PDZRN3: variants seen among roughly 807,000 people sequenced by gnomAD.
PDZRN3 encodes E3 ubiquitin-protein ligase PDZRN3.
In PDZRN3, 38 loss-of-function variants were observed where a neutral mutation model predicts 85.7. The ratio of observed to expected loss-of-function variants is 0.44; its 90% CI spans 0.34 to 0.58. PDZRN3 has a LOEUF of 0.58. PDZRN3 is among the 20% of genes least tolerant of loss of function. The pLI, the probability that PDZRN3 is intolerant of heterozygous loss-of-function variation, is 0.01. For missense variants in PDZRN3, 1,629 were observed against 1,506.4 expected (o/e 1.08, Z -1.35); for synonymous variants, 759 against 638.0 (o/e 1.19, Z -2.86).
At chr3:73,601,332 G>C (rs1481377766) in intron 3 of PDZRN3, among the ~76,000 whole-genome samples, 1 of 152,106 alleles carries the variant, frequency 6.6e-6, no homozygotes, top group Non-Finnish European at 1.5e-5. Flanking sequence ...TTTGAAATAG[G>C]CCATGAAAAT....
rs80301670 is a variant in PDZRN3, at chr3:73,386,732, C to T, written c.1519-947G>A. The stretch of plus-strand genomic sequence containing the variant: ...AGATGGTATGGCCACCCAAGTCAAA[C>T]ATTTACTATCTGGCCCTTTAAGAAA... On this transcript the variant is annotated intron_variant, in intron 8 of 9. Coordinates refer to ENST00000263666, the MANE Select transcript of PDZRN3 (RefSeq NM_015009.3). Among the ~76,000 whole-genome samples, 1,012 of 152,344 alleles carry T rather than the reference C, an allele frequency of 6.6e-3. 4 individuals carry two copies. Among genetic ancestry groups the T allele is most frequent in the African/African-American group, 0.022 (927 of 41,570 alleles).
chr3:73,454,474 G>A (rs1239065590), intron 3 of PDZRN3, among the ~76,000 whole-genome samples: 1 of 152,126 alleles, frequency 6.6e-6, no homozygotes, highest in Non-Finnish European at 1.5e-5. Context: ...GGGCTGATTT[G>A]AGTCGTCCAA....
chr3:73,477,962 G>A (rs985895899), intron 3 of PDZRN3, among the ~76,000 whole-genome samples: 2 of 152,086 alleles, frequency 1.3e-5, no homozygotes, highest in African/African-American at 4.8e-5. Flanking sequence ...CAACAACATG[G>A]GGAAAACCTG....
intron 3 of PDZRN3, among the ~76,000 whole-genome samples, chr3:73,578,272 C>A (rs943145209): frequency 6.6e-6 from 1 of 151,838 alleles, no homozygotes; most frequent in Admixed American, 6.6e-5. Context: ...CAGGTCCACG[C>A]GATTCTCCTG....
intron 3 of PDZRN3, among the ~76,000 whole-genome samples, chr3:73,561,913 ATTTT>A (rs769545083): frequency 7.3e-6 from 1 of 136,630 alleles, no homozygotes. Context: ...AACCCAAGTC[ATTTT>A]TTTTTTTTTT....
At chr3:73,606,040 C>T (rs980865617) in intron 2 of PDZRN3, among the ~76,000 whole-genome samples, 2 of 152,192 alleles carry the variant, frequency 1.3e-5, no homozygotes, top group African/African-American at 4.8e-5. Flanking sequence ...AACTGAACAC[C>T]ATCTTCACTG....
At chr3:73,565,664 G>A (rs1575740851) in intron 3 of PDZRN3, among the ~76,000 whole-genome samples, 2 of 151,978 alleles carry the variant, frequency 1.3e-5, no homozygotes, top group South Asian at 2.1e-4. Context: ...GGGGCCGGGC[G>A]CGGTGACTCA....
intron 3 of PDZRN3, among the ~76,000 whole-genome samples, chr3:73,517,112 G>A (rs1465965224): frequency 6.6e-6 from 1 of 152,182 alleles, no homozygotes; most frequent in East Asian, 1.9e-4. Context: ...GTGTGTGTGT[G>A]CGTTTACCCT....
intron 3 of PDZRN3, among the ~76,000 whole-genome samples, chr3:73,485,381 C>T (rs1703644336): frequency 6.6e-6 from 1 of 151,242 alleles, no homozygotes; most frequent in Non-Finnish European, 1.5e-5. Context: ...ATACTTTCCT[C>T]AAACTCTTTT....
At position 73,383,658 on chromosome 3, in the gene PDZRN3, C is replaced by G; in HGVS notation, c.2908G>C (p.Gly970Arg). Residue 970 changes from glycine (G) to arginine (R), a missense_variant, in exon 10 of 10, where the codon GGG (glycine) becomes CGG (arginine). Physicochemically the swap from Gly to Arg is moderately radical, Grantham distance 125 (BLOSUM62 -2). Coordinates refer to ENST00000263666, the MANE Select transcript of PDZRN3 (RefSeq NM_015009.3). Reference sequence around the variant, plus strand: ...CTCTCCTCCTTGCTCCAGTAGCGCCCCATCTTCATCTCGCTCACCGCGTCG... The same window carrying G: ...CTCTCCTCCTTGCTCCAGTAGCGCCGCATCTTCATCTCGCTCACCGCGTCG... ...DDDAVSEMKM[G>R]RYWSKEERKQ... 1 of 1,613,078 alleles carries G rather than the reference C, an allele frequency of 6.2e-7. No homozygotes were observed. The highest frequency in any genetic ancestry group is 8.5e-7 in the Non-Finnish European group (1 of 1,180,028).
In PDZRN3 at chr3:73,392,608, G is replaced by T. The variant is rs1322730440; in HGVS notation, c.1255-1492C>A. On this transcript the variant is annotated intron_variant, in intron 5 of 9. Coordinates refer to ENST00000263666, the MANE Select transcript of PDZRN3 (RefSeq NM_015009.3). ...TTGACTGCCCCATAGAAAGTCCACG[G>T]TCACCAGTAGTATAATAATTACATG... Among the ~76,000 whole-genome samples the T allele has an allele frequency of 2.6e-5, 4 of 152,162 alleles. No homozygotes were observed. In the East Asian group the frequency reaches 7.7e-4, roughly 29 times the overall value.
intron 3 of PDZRN3, among the ~76,000 whole-genome samples, chr3:73,440,671 C>CT (rs1164343416): frequency 3.9e-5 from 6 of 152,186 alleles, no homozygotes; most frequent in Admixed American, 3.9e-4. Flanking sequence ...CCTGAAATGC[C>CT]TATGACAACA....
chr3:73,545,897 G>C (rs1228907398), intron 3 of PDZRN3, among the ~76,000 whole-genome samples: 1 of 152,132 alleles, frequency 6.6e-6, no homozygotes, highest in Non-Finnish European at 1.5e-5. Context: ...TGGGAGGTGA[G>C]GGGGAGGATC....
At chr3:73,471,975 G>A (rs897300099) in intron 3 of PDZRN3, among the ~76,000 whole-genome samples, 2 of 151,810 alleles carry the variant, frequency 1.3e-5, no homozygotes, top group African/African-American at 4.9e-5. Flanking sequence ...TAAGTTAGTG[G>A]GCTACGGGGA....
chr3:73,384,656 C>G lies in PDZRN3; in HGVS notation c.1910G>C (p.Gly637Ala). The part of the protein sequence containing the change: ...SADCTDADYL[G>A]IPVDECERFR... ...GCGCTCGCACTCGTCCACCGGGATCCCCAGGTAGTCGGCGTCCGTGCAGTC... is the reference window on the plus strand; with the variant it reads ...GCGCTCGCACTCGTCCACCGGGATCGCCAGGTAGTCGGCGTCCGTGCAGTC... The change falls in exon 10 of 10, where the codon GGG becomes GCG. Residue 637 changes from glycine (G) to alanine (A), a missense_variant. Transcript: ENST00000263666. 2 of 1,613,958 alleles carry G rather than the reference C, an allele frequency of 1.2e-6. No individual in the cohort carries two copies. Among genetic ancestry groups the G allele is most frequent in the Non-Finnish European group, 8.5e-7 (1 of 1,180,036 alleles).
Position 73,408,256 on chromosome 3 carries a change from C to G in PDZRN3, c.919-3861G>C, listed in dbSNP as rs1358581645. 4.3e-6 allele frequency: 3 copies of G among 702,080 alleles called. No individual in the cohort carries two copies. In the East Asian group the frequency reaches 8.0e-5, roughly 19 times the overall value. 43.5% of individuals were successfully genotyped at this position (702,080 alleles called of 1,614,324 possible). On this transcript the variant is annotated intron_variant, in intron 3 of 9. Transcript: ENST00000263666. ...TTTAACTGTTCTCAGTTCCAGTTTTCTCATCTGCAAAATAAATATAGCATC... is the reference window on the plus strand; with the variant it reads ...TTTAACTGTTCTCAGTTCCAGTTTTGTCATCTGCAAAATAAATATAGCATC...
intron 5 of PDZRN3, among the ~76,000 whole-genome samples, chr3:73,396,731 A>G (rs1701645254): frequency 6.6e-6 from 1 of 152,252 alleles, no homozygotes; most frequent in Non-Finnish European, 1.5e-5. Flanking sequence ...GCAGTTTCGC[A>G]GCCTACATAG....
At chr3:73,439,023 C>G (rs1045590855) in intron 3 of PDZRN3, among the ~76,000 whole-genome samples, 5 of 152,200 alleles carry the variant, frequency 3.3e-5, no homozygotes, top group Non-Finnish European at 7.3e-5. Flanking sequence ...CCTCCTCTGT[C>G]CCACCCTCCT....
At chr3:73,594,781 G>A (rs933775952) in intron 3 of PDZRN3, among the ~76,000 whole-genome samples, 16 of 152,236 alleles carry the variant, frequency 1.1e-4, no homozygotes, top group Admixed American at 2.0e-4. Context: ...TGGCTAAATC[G>A]GGAAATAAGA....
Sources: allele counts gnomAD v4.1 joint callset (sites outside exome capture counted in the v4.1 genomes callset), GRCh38; gene constraint gnomAD v4.1.1; transcripts MANE v1.5; gene names NCBI Gene and HGNC (gene_info 2026-07-23, HGNC 2026-07-21).